TMEM132D: variants seen among roughly 807,000 people sequenced by gnomAD.
The protein encoded by TMEM132D is transmembrane protein 132D.
In TMEM132D, 21 loss-of-function variants were observed where a neutral mutation model predicts 62.3. The observed-to-expected ratio is 0.34, with a 90% CI of 0.24 to 0.49. The LOEUF is 0.49. Ranked by LOEUF, TMEM132D falls within the 20% of genes least tolerant of loss-of-function variation. The pLI, the probability that TMEM132D is intolerant of heterozygous loss-of-function variation, is 0.99. For missense variants in TMEM132D, 1,346 were observed against 1,402.8 expected (o/e 0.96, Z 0.65); for synonymous variants, 621 against 575.6 (o/e 1.08, Z -1.13).
chr12:129,647,082 G>A (rs1327850008), intron 2 of TMEM132D, among the ~76,000 whole-genome samples: 2 of 150,664 alleles, frequency 1.3e-5, no homozygotes, highest in Non-Finnish European at 2.9e-5. Flanking sequence ...TTACAGGGGT[G>A]AGCCACTGCG....
chr12:129,903,414 G>A lies in TMEM132D; in HGVS notation c.-75C>T. 2 of 1,475,254 alleles carry A rather than the reference G, an allele frequency of 1.4e-6. No homozygotes were observed. The highest frequency in any genetic ancestry group is 1.8e-6 in the Non-Finnish European group (2 of 1,082,540). 91.4% of individuals were successfully genotyped at this position (1,475,254 alleles called of 1,614,324 possible). A position where few individuals can be genotyped will look rare whatever the true frequency, so the allele number is the denominator to read the frequency against. On this transcript the variant is annotated 5_prime_UTR_variant, in exon 1 of 9. Transcript: ENST00000422113. This position sits in a 1 kb window ranked among gnomAD's most constrained non-coding sequence, Gnocchi z 6.2. ...AACAAGAGACCGTCTCAGTCCCCTA[G>A]AGGCCCGCAGCGGGGCCGGTGGCGA...
At chr12:129,822,864 G>A (rs1872573716) in intron 1 of TMEM132D, among the ~76,000 whole-genome samples, 1 of 152,160 alleles carries the variant, frequency 6.6e-6, no homozygotes, top group Non-Finnish European at 1.5e-5. Context: ...TGTAATTCAA[G>A]ATATGATTTT....
chr12:129,711,357 C>T (rs964204498), intron 1 of TMEM132D, among the ~76,000 whole-genome samples: 3 of 152,122 alleles, frequency 2.0e-5, no homozygotes, highest in African/African-American at 2.4e-5. Context: ...AACTCCTCTC[C>T]GCTCCCAGCA....
Position 129,073,723 on chromosome 12 carries a change from C to T in TMEM132D, c.*152G>A, listed in dbSNP as rs558691041. 50 of 665,380 alleles carry T rather than the reference C, an allele frequency of 7.5e-5. 1 individual carries two copies. In the East Asian group the frequency reaches 8.2e-4, roughly 11 times the overall value. The allele number at this position is 665,380 out of a possible 1,614,324, so 41.2% of individuals were successfully genotyped here. On this transcript the variant is annotated 3_prime_UTR_variant, in exon 9 of 9. Coordinates refer to ENST00000422113, the MANE Select transcript of TMEM132D (RefSeq NM_133448.3). ...CGTCGATGCGGACTCCAGGCCTCGC[C>T]GCCGAGCCGGGGTCATTGGCTGAGG...
chr12:129,101,768 C>T (rs1875314921), intron 5 of TMEM132D, among the ~76,000 whole-genome samples: 1 of 152,048 alleles, frequency 6.6e-6, no homozygotes, highest in African/African-American at 2.4e-5. Flanking sequence ...ATTCCAGGGA[C>T]AATGGCATTT....
chr12:129,733,589 T>C (rs1359090349), intron 1 of TMEM132D, among the ~76,000 whole-genome samples: 1 of 151,870 alleles, frequency 6.6e-6, no homozygotes, highest in African/African-American at 2.4e-5. Flanking sequence ...TCAGCCACCA[T>C]GTTGGGGAAT....
chr12:129,837,914 A>G (rs1333780996), intron 1 of TMEM132D, among the ~76,000 whole-genome samples: 1 of 152,230 alleles, frequency 6.6e-6, no homozygotes, highest in Non-Finnish European at 1.5e-5. Context: ...GGCTAAGTTA[A>G]TACATCTGTC....
chr12:129,288,405 A>G (rs551943573), intron 4 of TMEM132D, among the ~76,000 whole-genome samples: 11 of 152,350 alleles, frequency 7.2e-5, no homozygotes, highest in African/African-American at 2.6e-4. Flanking sequence ...CGACAACAAC[A>G]ACAAACCACT....
chr12:129,678,662 C>A (rs953089657), intron 2 of TMEM132D, among the ~76,000 whole-genome samples: 3 of 152,190 alleles, frequency 2.0e-5, no homozygotes, highest in Admixed American at 2.0e-4. Flanking sequence ...AATTTTCCTT[C>A]AGTGCTCAGT....
intron 3 of TMEM132D, among the ~76,000 whole-genome samples, chr12:129,509,546 G>T (rs1041306412): frequency 6.6e-6 from 1 of 152,072 alleles, no homozygotes; most frequent in Non-Finnish European, 1.5e-5. Flanking sequence ...TCACCCTGTT[G>T]TGCTATCAAA....
At chr12:129,559,764 A>G (rs536681255) in intron 2 of TMEM132D, among the ~76,000 whole-genome samples, 1 of 152,234 alleles carries the variant, frequency 6.6e-6, no homozygotes, top group Non-Finnish European at 1.5e-5. Flanking sequence ...AATCTTTAAT[A>G]TTAAGCCTGC....
intron 2 of TMEM132D, among the ~76,000 whole-genome samples, chr12:129,555,155 AG>A (rs1357030043): frequency 6.6e-6 from 1 of 152,224 alleles, no homozygotes; most frequent in Non-Finnish European, 1.5e-5. Flanking sequence ...ACGTTGGAAA[AG>A]GAAGCTGATT....
At chr12:129,092,181 G>A (rs769784796) in intron 5 of TMEM132D, among the ~76,000 whole-genome samples, 3 of 151,926 alleles carry the variant, frequency 2.0e-5, no homozygotes, top group Non-Finnish European at 2.9e-5. Context: ...TGCATAATCC[G>A]GCACTTATGT....
At chr12:129,632,844 C>T (rs1683437299) in intron 2 of TMEM132D, among the ~76,000 whole-genome samples, 1 of 152,210 alleles carries the variant, frequency 6.6e-6, no homozygotes, top group Non-Finnish European at 1.5e-5. Context: ...TGACCTTTGT[C>T]ATCACTTGGG....
chr12:129,594,777 A>T (rs574681522), intron 2 of TMEM132D, among the ~76,000 whole-genome samples: 1 of 150,994 alleles, frequency 6.6e-6, no homozygotes, highest in South Asian at 2.1e-4. Flanking sequence ...TCATCCACGG[A>T]CTCCCCCTCC....
chr12:129,486,150 T>C (rs977852535), intron 3 of TMEM132D, among the ~76,000 whole-genome samples: 3 of 152,196 alleles, frequency 2.0e-5, no homozygotes, highest in African/African-American at 7.2e-5. Context: ...CCTGTCCTCT[T>C]CCTCACTCCC....
At chr12:129,627,963 CGTGACAAA>C (rs1471146855) in intron 2 of TMEM132D, among the ~76,000 whole-genome samples, 1 of 152,076 alleles carries the variant, frequency 6.6e-6, no homozygotes, top group Admixed American at 6.5e-5. Context: ...CTCCAGCCTG[CGTGACAAA>C]GTGAGATCTT....
chr12:129,284,586 A>G (rs1173069136), intron 4 of TMEM132D, among the ~76,000 whole-genome samples: 1 of 152,224 alleles, frequency 6.6e-6, no homozygotes, highest in African/African-American at 2.4e-5. Context: ...ATAATTGAAA[A>G]CAGGTGTTCA....
intron 2 of TMEM132D, among the ~76,000 whole-genome samples, chr12:129,602,180 T>C (rs533814520): frequency 6.6e-6 from 1 of 152,216 alleles, no homozygotes; most frequent in African/African-American, 2.4e-5. Flanking sequence ...GACCATCAGG[T>C]AGAAAAGTAA....
Sources: gnomAD v4.1 joint callset for allele counts (sites outside exome capture counted in the v4.1 genomes callset) on GRCh38, gnomAD v4.1.1 for gene constraint, Gnocchi (gnomAD v3.1) non-coding constraint, MANE v1.5 for transcripts, NCBI Gene and HGNC (gene_info 2026-07-23, HGNC 2026-07-21) for gene names.